PTPRN2: variants seen among roughly 807,000 people sequenced by gnomAD.
The protein encoded by PTPRN2 is receptor-type tyrosine-protein phosphatase N2.
Under a neutral mutation model 118.8 loss-of-function variants are expected in PTPRN2, and 74 were observed. The observed-to-expected ratio is 0.62, with a 90% CI of 0.52 to 0.76. PTPRN2 has a LOEUF of 0.76. PTPRN2 is among the 30% of genes least tolerant of loss of function. PTPRN2 has a pLI of 0.00. For synonymous variants in PTPRN2, 641 were observed against 608.0 expected (o/e 1.05, Z -0.80); for missense variants, 1,481 against 1,394.4 (o/e 1.06, Z -0.99).
In PTPRN2 at chr7:157,583,309, C is replaced by T. The variant is rs146710055; in HGVS notation, c.2497-5169G>A. On this transcript the variant is annotated intron_variant, in intron 17 of 22. Transcript: ENST00000389418. This position sits in a 1 kb window ranked among gnomAD's most constrained non-coding sequence, Gnocchi z 5.5. Reference sequence around the variant, plus strand: ...CAGAGTAGAAGGGGGGCTGCCAGGGCCTGGGGCTGAGGGTGGAATGGGGAG... The same window carrying T: ...CAGAGTAGAAGGGGGGCTGCCAGGGTCTGGGGCTGAGGGTGGAATGGGGAG... Among the ~76,000 whole-genome samples, 290 of 152,028 alleles carry T rather than the reference C, an allele frequency of 1.9e-3. 1 individual carries two copies. The highest frequency in any genetic ancestry group is 5.8e-3 in the African/African-American group (239 of 41,472).
intron 2 of PTPRN2, among the ~76,000 whole-genome samples, chr7:158,387,712 C>T (rs554743303): frequency 2.6e-4 from 39 of 152,244 alleles, no homozygotes; most frequent in Non-Finnish European, 4.0e-4. Context: ...CTCATCCAGG[C>T]GGAGGCTGCA....
chr7:158,513,054 G>C (rs1394969354), intron 1 of PTPRN2, among the ~76,000 whole-genome samples: 1 of 152,154 alleles, frequency 6.6e-6, no homozygotes, highest in Non-Finnish European at 1.5e-5. Flanking sequence ...GGTTTACACT[G>C]TGCCTTCCCT....
At chr7:158,553,872 A>G (rs1311878255) in intron 1 of PTPRN2, among the ~76,000 whole-genome samples, 2 of 149,494 alleles carry the variant, frequency 1.3e-5, no homozygotes, top group Non-Finnish European at 3.0e-5. Flanking sequence ...CTCCTAACCC[A>G]GTGTACACAA....
chr7:158,207,965 T>C (rs1321233787), intron 3 of PTPRN2, among the ~76,000 whole-genome samples: 1 of 152,214 alleles, frequency 6.6e-6, no homozygotes, highest in Non-Finnish European at 1.5e-5. Context: ...AAAACAATCA[T>C]GCAAAATCTC....
At chr7:158,131,644 CATGCACAT>C (rs941733950) in intron 9 of PTPRN2, among the ~76,000 whole-genome samples, 3 of 151,914 alleles carry the variant, frequency 2.0e-5, no homozygotes, top group African/African-American at 7.3e-5. Context: ...CTCATACACA[CATGCACAT>C]ACACACAAAC....
In PTPRN2 at chr7:158,338,068, G is replaced by GTCAC. The variant is rs753642331; in HGVS notation, c.164-21140_164-21137dup. 1.2e-3 allele frequency among the ~76,000 whole-genome samples: 6 copies of GTCAC among 4,906 alleles called. 2 individuals carry two copies. Among genetic ancestry groups the GTCAC allele is most frequent in the Non-Finnish European group, 1.9e-3 (2 of 1,064 alleles). The allele number at this position is 4,906 out of a possible 152,430, so 3.2% of individuals were successfully genotyped here. On this transcript the variant is annotated intron_variant, in intron 2 of 22. Transcript: ENST00000389418. ...ACCATAAGAGGTGACACCTGCAGAC[G>GTCAC]TCACACCCACACTCTCACCATAAGA...
intron 13 of PTPRN2, among the ~76,000 whole-genome samples, chr7:157,669,336 A>G (rs948647349): frequency 1.3e-5 from 2 of 152,208 alleles, no homozygotes; most frequent in Non-Finnish European, 2.9e-5. Flanking sequence ...CTCTGGTGAC[A>G]CAGTCCCACC....
intron 2 of PTPRN2, among the ~76,000 whole-genome samples, chr7:158,470,889 G>C (rs891517577): frequency 6.6e-5 from 10 of 151,542 alleles, no homozygotes; most frequent in African/African-American, 2.4e-4. Context: ...GCTGGAGTGC[G>C]GTGGTGAGAT....
chr7:157,539,345 G>C lies in PTPRN2; in HGVS notation c.*1369C>G, dbSNP rs1797904504. ...CGTGTTCCCTCTGGTAGGGCCTTTG[G>C]AGAGTACCATCTATCTAAGATGGAG... On this transcript the variant is annotated 3_prime_UTR_variant, in exon 23 of 23. Transcript: ENST00000389418. 6.6e-6 allele frequency: 1 copy of C among 151,870 alleles called. No homozygotes were observed. Among genetic ancestry groups the C allele is most frequent in the Non-Finnish European group, 1.5e-5 (1 of 68,046 alleles). The allele number at this position is 151,870 out of a possible 1,614,324, so 9.4% of individuals were successfully genotyped here.
At position 158,525,265 on chromosome 7, in the gene PTPRN2, T is replaced by C. The variant is rs1471036107; in HGVS notation, c.113-35480A>G. Among the ~76,000 whole-genome samples, 1 of 152,178 alleles carries C rather than the reference T, an allele frequency of 6.6e-6. No homozygotes were observed. The highest frequency in any genetic ancestry group is 1.5e-5 in the Non-Finnish European group (1 of 68,036). ...TCCAGAGGTGAAAGTTTCTCTATTT[T>C]GGAAACTGGGCATCTGCCAAGGAGA... On this transcript the variant is annotated intron_variant, in intron 1 of 22. Transcript: ENST00000389418. The surrounding 1 kb of genome is among the most constrained non-coding windows in gnomAD (Gnocchi z 4.1).
At chr7:158,322,994 C>T (rs1332941812) in intron 2 of PTPRN2, among the ~76,000 whole-genome samples, 1 of 152,242 alleles carries the variant, frequency 6.6e-6, no homozygotes, top group Non-Finnish European at 1.5e-5. Flanking sequence ...TAGGACAACA[C>T]ACATCCCTCT....
intron 2 of PTPRN2, among the ~76,000 whole-genome samples, chr7:158,481,974 T>C (rs1387916125): frequency 6.6e-6 from 1 of 152,136 alleles, no homozygotes. Flanking sequence ...CATGCATGAC[T>C]TTCAGGGATT....
At chr7:157,904,679 C>T (rs1319903553) in intron 11 of PTPRN2, among the ~76,000 whole-genome samples, 3 of 152,258 alleles carry the variant, frequency 2.0e-5, no homozygotes, top group East Asian at 1.9e-4. Flanking sequence ...GCTGACTTCA[C>T]GCGGCCCTGT....
intron 2 of PTPRN2, among the ~76,000 whole-genome samples, chr7:158,433,490 T>G (rs1040094191): frequency 3.9e-5 from 6 of 152,194 alleles, no homozygotes; most frequent in Non-Finnish European, 7.3e-5. Context: ...ATAGCTACAT[T>G]TGTCACTTTA....
chr7:157,579,426 G>T (rs1331623625), intron 17 of PTPRN2, among the ~76,000 whole-genome samples: 2 of 152,144 alleles, frequency 1.3e-5, no homozygotes, highest in Non-Finnish European at 2.9e-5. Flanking sequence ...CCTCCAAATC[G>T]GTTCTTCCAT....
At chr7:157,639,143 T>C (rs1804518111) in intron 14 of PTPRN2, among the ~76,000 whole-genome samples, 1 of 151,942 alleles carries the variant, frequency 6.6e-6, no homozygotes. Flanking sequence ...TTCAAGTGAT[T>C]CTCCTGCCTC....
At chr7:158,163,275 G>C (rs1446634514) in intron 6 of PTPRN2, among the ~76,000 whole-genome samples, 4 of 151,902 alleles carry the variant, frequency 2.6e-5, no homozygotes, top group Middle Eastern at 3.4e-3. Flanking sequence ...GCCTGTACGG[G>C]GTTCTCAATA....
At chr7:158,500,038 A>G (rs1173101317) in intron 1 of PTPRN2, among the ~76,000 whole-genome samples, 1 of 151,478 alleles carries the variant, frequency 6.6e-6, no homozygotes, top group Non-Finnish European at 1.5e-5. Flanking sequence ...TGAGCTAAAA[A>G]AAAAAAAAAA....
At chr7:157,697,501 G>A (rs895561252) in intron 12 of PTPRN2, among the ~76,000 whole-genome samples, 2 of 125,648 alleles carry the variant, frequency 1.6e-5, no homozygotes, top group South Asian at 5.8e-4. Flanking sequence ...CTGGATCTTA[G>A]TAGAGCCCTC....
Sources: gnomAD v4.1 joint callset for allele counts (sites outside exome capture counted in the v4.1 genomes callset) on GRCh38, gnomAD v4.1.1 for gene constraint, Gnocchi (gnomAD v3.1) non-coding constraint, MANE v1.5 for transcripts, NCBI Gene and HGNC (gene_info 2026-07-23, HGNC 2026-07-21) for gene names.